SLC24A2: variants seen among roughly 807,000 people sequenced by gnomAD.
The protein encoded by SLC24A2 is solute carrier family 24 member 2, also known as sodium/potassium/calcium exchanger 2.
In SLC24A2, 36 loss-of-function variants were observed where a neutral mutation model predicts 62.0. The observed-to-expected ratio is 0.58, with a 90% CI of 0.44 to 0.77. The LOEUF (loss-of-function observed/expected upper bound fraction) is 0.77. SLC24A2 is among the 30% of genes least tolerant of loss of function. The pLI, the probability that SLC24A2 is intolerant of heterozygous loss-of-function variation, is 0.00. For synonymous variants in SLC24A2, 358 were observed against 294.0 expected (o/e 1.22, Z -2.23); for missense variants, 846 against 817.9 (o/e 1.03, Z -0.42).
intron 2 of SLC24A2, among the ~76,000 whole-genome samples, chr9:19,683,791 TA>T (rs1175981598): frequency 6.6e-6 from 1 of 152,078 alleles, no homozygotes; most frequent in African/African-American, 2.4e-5. Flanking sequence ...TTAAAAACAT[TA>T]TTTTTTTGAG....
the SLC24A2 span, among the ~76,000 whole-genome samples, chr9:19,953,981 A>C: frequency 5.9e-5 from 9 of 152,018 alleles, no homozygotes; most frequent in African/African-American, 1.9e-4. Flanking sequence ...AAAAAAAAAA[A>C]GTATCCCATG....
chr9:19,637,084 G>T (rs1818378140), intron 2 of SLC24A2, among the ~76,000 whole-genome samples: 1 of 152,168 alleles, frequency 6.6e-6, no homozygotes. Context: ...AGTATCAAAT[G>T]CTAACTGACG....
chr9:19,765,052 C>A (rs1050775548), intron 2 of SLC24A2, among the ~76,000 whole-genome samples: 3 of 151,896 alleles, frequency 2.0e-5, no homozygotes, highest in African/African-American at 7.2e-5. Flanking sequence ...TATGTAATGA[C>A]CTTCTTTGTC....
At chr9:19,922,746 T>G in the SLC24A2 span, among the ~76,000 whole-genome samples, 1 of 152,110 alleles carries the variant, frequency 6.6e-6, no homozygotes, top group Admixed American at 6.5e-5. Flanking sequence ...AAATCCCTTC[T>G]GGGATTCATT....
chr9:19,797,992 C>CATACATTTA, the SLC24A2 span, among the ~76,000 whole-genome samples: 1 of 152,188 alleles, frequency 6.6e-6, no homozygotes, highest in Non-Finnish European at 1.5e-5. Context: ...TTCCAAATAA[C>CATACATTTA]ATACATTTAT....
At chr9:20,014,215 GAA>G in the SLC24A2 span, among the ~76,000 whole-genome samples, 1 of 151,764 alleles carries the variant, frequency 6.6e-6, no homozygotes, top group Non-Finnish European at 1.5e-5. Context: ...CTCAGCGGGG[GAA>G]AAAAAGAAAG....
the SLC24A2 span, among the ~76,000 whole-genome samples, chr9:19,878,641 A>G: frequency 6.6e-6 from 1 of 151,878 alleles, no homozygotes; most frequent in Admixed American, 6.6e-5. Context: ...CTGGTTGTTA[A>G]AAGTGTGTGG....
the SLC24A2 span, among the ~76,000 whole-genome samples, chr9:20,058,998 G>C: frequency 2.6e-5 from 4 of 152,216 alleles, no homozygotes; most frequent in African/African-American, 9.6e-5. Context: ...TGTGCAGTTA[G>C]TGAGTGCATT....
chr9:20,107,602 C>A, the SLC24A2 span, among the ~76,000 whole-genome samples: 2 of 152,168 alleles, frequency 1.3e-5, no homozygotes, highest in African/African-American at 4.8e-5. Context: ...GGAAAGGATT[C>A]CCCATTTCAT....
chr9:20,052,235 C>G, the SLC24A2 span, among the ~76,000 whole-genome samples: 1 of 152,158 alleles, frequency 6.6e-6, no homozygotes, highest in Non-Finnish European at 1.5e-5. Flanking sequence ...ACAGCATTGT[C>G]ATGTTTGCAC....
the SLC24A2 span, among the ~76,000 whole-genome samples, chr9:20,229,704 G>C: frequency 0.12 from 18,379 of 151,478 alleles, 2,351 homozygotes; most frequent in East Asian, 0.61. Flanking sequence ...TTTATATTTT[G>C]TGTGATTATT....
chr9:19,793,628 A>G (rs1823345227), upstream of SLC24A2, among the ~76,000 whole-genome samples: 1 of 152,218 alleles, frequency 6.6e-6, no homozygotes, highest in Admixed American at 6.5e-5. Context: ...TTTTATCACT[A>G]TTATTATCCA....
the SLC24A2 span, among the ~76,000 whole-genome samples, chr9:20,288,431 G>T: frequency 2.0e-5 from 3 of 152,074 alleles, no homozygotes; most frequent in Non-Finnish European, 4.4e-5. Flanking sequence ...GGGAGGTGGG[G>T]TAGTGGGAGA....
intron 5 of SLC24A2, among the ~76,000 whole-genome samples, chr9:19,589,704 T>C (rs1190450768): frequency 4.6e-5 from 7 of 152,162 alleles, no homozygotes; most frequent in East Asian, 3.8e-4. Flanking sequence ...GATCAAATAA[T>C]ATACAAGCCT....
intron 4 of SLC24A2, 96 bp from the exon 5 acceptor site, chr9:19,597,375 T>C (rs570477630): frequency 2.3e-6 from 2 of 881,962 alleles, no homozygotes; most frequent in African/African-American, 1.6e-5. Context: ...TTCAGAGTTA[T>C]ACTGTCAAAT....
the SLC24A2 span, among the ~76,000 whole-genome samples, chr9:19,866,219 G>A: frequency 6.6e-6 from 1 of 152,176 alleles, no homozygotes; most frequent in Non-Finnish European, 1.5e-5. Flanking sequence ...GCAAGGATGT[G>A]GAGAAAAGGG....
At chr9:19,912,907 C>T in the SLC24A2 span, among the ~76,000 whole-genome samples, 1 of 152,142 alleles carries the variant, frequency 6.6e-6, no homozygotes, top group African/African-American at 2.4e-5. Flanking sequence ...TTTCCCTCAA[C>T]TTACAGGCTT....
chr9:19,701,677 G>C (rs1012155309), intron 2 of SLC24A2, among the ~76,000 whole-genome samples: 2 of 152,144 alleles, frequency 1.3e-5, no homozygotes, highest in African/African-American at 4.8e-5. Context: ...GGCACAAGTA[G>C]ACCCAAACTG....
chr9:19,965,814 A>G, the SLC24A2 span, among the ~76,000 whole-genome samples: 3 of 152,204 alleles, frequency 2.0e-5, no homozygotes, highest in Non-Finnish European at 2.9e-5. Context: ...TCCTGCAACC[A>G]GAAGGAATGG....
Sources: allele counts gnomAD v4.1 joint callset (sites outside exome capture counted in the v4.1 genomes callset), GRCh38; gene constraint gnomAD v4.1.1; transcripts MANE v1.5; gene names NCBI Gene and HGNC (gene_info 2026-07-23, HGNC 2026-07-21).